The following NCKAP5 variants were observed in gnomAD, a reference collection of about 807,000 sequenced individuals.
NCKAP5 encodes NCK associated protein 5.
In NCKAP5, 92 loss-of-function variants were observed where a neutral mutation model predicts 167.0. That is an observed-to-expected ratio of 0.55 (90% CI 0.47 to 0.66). NCKAP5 has a LOEUF of 0.66. NCKAP5 is among the 30% of genes least tolerant of loss of function. The pLI is 0.00. For synonymous variants in NCKAP5, 891 were observed against 877.4 expected (o/e 1.02, Z -0.27); for missense variants, 2,378 against 2,315.0 (o/e 1.03, Z -0.56).
Position 133,502,471 on chromosome 2 carries a change from A to AGAT in NCKAP5, c.69+14984_69+14986dup, listed in dbSNP as rs546575342. ...TCTCCTTCCTTTGGCCAAATACAATAGATAGATAGATATGGATATAGAAAT... is the reference window on the plus strand; with the variant it reads ...TCTCCTTCCTTTGGCCAAATACAATAGATGATAGATAGATATGGATATAGAAAT... On this transcript the variant is annotated intron_variant, in intron 3 of 19. Transcript: ENST00000409261. Among the ~76,000 whole-genome samples the AGAT allele has an allele frequency of 6.2e-4, 94 of 152,292 alleles. 1 individual carries two copies. The East Asian group carries it at 0.018, about 29-fold the overall frequency.
intron 5 of NCKAP5, among the ~76,000 whole-genome samples, chr2:133,179,232 G>GTT (rs374396477): frequency 2.9e-5 from 4 of 136,260 alleles, no homozygotes; most frequent in Admixed American, 7.4e-5. Context: ...TTCAGATTTG[G>GTT]TTTTTTTTTT....
At chr2:133,289,722 CA>C (rs35346473) in intron 4 of NCKAP5, among the ~76,000 whole-genome samples, 29,356 of 150,694 alleles carry the variant, frequency 0.19, 2,840 homozygotes, top group Middle Eastern at 0.24. Context: ...AACAAACAAA[CA>C]AACAAAAAAA....
intron 19 of NCKAP5, among the ~76,000 whole-genome samples, chr2:132,722,112 C>A (rs1180186523): frequency 6.6e-6 from 1 of 152,192 alleles, no homozygotes; most frequent in African/African-American, 2.4e-5. Flanking sequence ...TCCAAAGCCA[C>A]AACCTAATGC....
chr2:132,826,853 T>C (rs959942030), intron 11 of NCKAP5, among the ~76,000 whole-genome samples: 1 of 152,156 alleles, frequency 6.6e-6, no homozygotes, highest in Non-Finnish European at 1.5e-5. Context: ...CCATTGATAG[T>C]AGAAGTTCAC....
At chr2:133,007,409 G>T (rs2078005678) in intron 6 of NCKAP5, among the ~76,000 whole-genome samples, 1 of 152,104 alleles carries the variant, frequency 6.6e-6, no homozygotes, top group South Asian at 2.1e-4. Context: ...CTTTATGAAG[G>T]CCCCTACCTG....
At chr2:133,545,249 T>C (rs1223285842) in intron 2 of NCKAP5, among the ~76,000 whole-genome samples, 3 of 152,168 alleles carry the variant, frequency 2.0e-5, no homozygotes, top group East Asian at 3.9e-4. Context: ...ATGCTATTCT[T>C]GGCAAGATTG....
intron 3 of NCKAP5, among the ~76,000 whole-genome samples, chr2:133,434,340 T>C (rs576893801): frequency 6.6e-6 from 1 of 152,320 alleles, no homozygotes; most frequent in Non-Finnish European, 1.5e-5. Flanking sequence ...ATAACTGCAT[T>C]CTATAAATAA....
chr2:132,703,184 A>C (rs957640533), intron 19 of NCKAP5, among the ~76,000 whole-genome samples: 2 of 152,184 alleles, frequency 1.3e-5, no homozygotes, highest in Non-Finnish European at 2.9e-5. Flanking sequence ...CTGTCTCTAA[A>C]AGATTAAAAA....
chr2:132,961,308 A>G (rs1352526579), intron 8 of NCKAP5, among the ~76,000 whole-genome samples: 1 of 121,186 alleles, frequency 8.3e-6, no homozygotes, highest in Non-Finnish European at 1.6e-5. Context: ...TGACAAAATG[A>G]CATCTATATA....
At chr2:133,638,233 G>A in the NCKAP5 span, among the ~76,000 whole-genome samples, 4 of 152,148 alleles carry the variant, frequency 2.6e-5, no homozygotes, top group African/African-American at 9.7e-5. Flanking sequence ...CTTTTAAATA[G>A]ACAGGTAGAT....
intron 3 of NCKAP5, among the ~76,000 whole-genome samples, chr2:133,508,253 C>T (rs1319909979): frequency 6.6e-6 from 1 of 152,152 alleles, no homozygotes; most frequent in Non-Finnish European, 1.5e-5. Context: ...TAAATTTCTG[C>T]TTCAGGGAAC....
chr2:133,169,778 G>T (rs939039601), intron 5 of NCKAP5, among the ~76,000 whole-genome samples: 9 of 152,166 alleles, frequency 5.9e-5, no homozygotes, highest in Non-Finnish European at 1.2e-4. Context: ...AATTGCTTTT[G>T]CACAGTTGAA....
chr2:133,151,375 G>GA (rs1454127826), intron 5 of NCKAP5, among the ~76,000 whole-genome samples: 3 of 152,082 alleles, frequency 2.0e-5, no homozygotes, highest in East Asian at 1.9e-4. Flanking sequence ...CCACAGACTG[G>GA]AAAAAATCTT....
intron 13 of NCKAP5, among the ~76,000 whole-genome samples, chr2:132,789,166 A>G (rs1329503729): frequency 6.6e-6 from 1 of 152,250 alleles, no homozygotes; most frequent in African/African-American, 2.4e-5. Flanking sequence ...TTTGAGAAGG[A>G]GAGAGACAAA....
chr2:133,616,340 T>C, the NCKAP5 span, among the ~76,000 whole-genome samples: 1 of 151,430 alleles, frequency 6.6e-6, no homozygotes, highest in Non-Finnish European at 1.5e-5. Flanking sequence ...AAAAAACCCT[T>C]CAAAAAATTA....
the NCKAP5 span, among the ~76,000 whole-genome samples, chr2:133,589,894 C>T: frequency 2.0e-5 from 3 of 152,346 alleles, no homozygotes; most frequent in Non-Finnish European, 4.4e-5. Context: ...GTAATATCCA[C>T]AGCTAAGGCA....
At chr2:132,712,583 C>T (rs1490375704) in intron 19 of NCKAP5, among the ~76,000 whole-genome samples, 2 of 151,910 alleles carry the variant, frequency 1.3e-5, no homozygotes, top group African/African-American at 2.4e-5. Flanking sequence ...ACCCGGAAGG[C>T]GGAGCTTGCA....
intron 3 of NCKAP5, among the ~76,000 whole-genome samples, chr2:133,418,841 T>G (rs954057422): frequency 6.6e-6 from 1 of 152,136 alleles, no homozygotes; most frequent in Admixed American, 6.5e-5. Context: ...TAAATAAACC[T>G]CAGTGTTTCA....
intron 5 of NCKAP5, among the ~76,000 whole-genome samples, chr2:133,182,460 G>A (rs73958671): frequency 0.064 from 9,789 of 152,034 alleles, 354 homozygotes; most frequent in African/African-American, 0.097. Flanking sequence ...ATTAAACTTC[G>A]AATAAAAAAT....
Sources: gnomAD v4.1 joint callset for allele counts (sites outside exome capture counted in the v4.1 genomes callset) on GRCh38, gnomAD v4.1.1 for gene constraint, MANE v1.5 for transcripts, NCBI Gene and HGNC (gene_info 2026-07-23, HGNC 2026-07-21) for gene names.